Variants in TBC1D2B observed in about 807,000 individuals in gnomAD.
TBC1D2B encodes the protein TBC1 domain family, member 2B.
A neutral mutation model predicts 100.8 loss-of-function variants in TBC1D2B; 64 were observed. The ratio of observed to expected loss-of-function variants is 0.64; its 90% confidence interval spans 0.52 to 0.78. The LOEUF is 0.78. Among genes scored for constraint, TBC1D2B ranks in the 30% least tolerant of loss-of-function variants. TBC1D2B has a pLI of 0.00. For missense variants in TBC1D2B, 1,052 were observed against 1,218.4 expected (o/e 0.86, Z 2.03); for synonymous variants, 480 against 479.7 (o/e 1.00, Z -0.01).
intron 1 of TBC1D2B, among the ~76,000 whole-genome samples, chr15:78,064,633 C>G (rs754317424): frequency 1.1e-4 from 16 of 152,084 alleles, no homozygotes; most frequent in Non-Finnish European, 2.1e-4. Context: ...AAACAAAATT[C>G]AAATGGAAAA....
rs771877432 is a variant in TBC1D2B, at chr15:78,012,887, G to C, written c.2206C>G (p.Arg736Gly). 2.0e-6 allele frequency: 3 copies of C among 1,523,122 alleles called. No individual in the cohort carries two copies. The highest frequency in any genetic ancestry group is 2.7e-5 in the South Asian group (2 of 75,254). The allele number at this position is 1,523,122 out of a possible 1,614,324, so 94.4% of individuals were successfully genotyped here. A position where few individuals can be genotyped will look rare whatever the true frequency, so the allele number is the denominator to read the frequency against. ...CPTSEGIQKLRNVLLAFSWRN... is the reference protein window; with the variant it reads ...CPTSEGIQKLGNVLLAFSWRN... ...CAGGAGAAGGCGAGGAGGACATTGC[G>C]TAACTTCTGTATGCCTTCTGAGGTG... The change falls in exon 9 of 13, where the codon CGC becomes GGC. Residue 736 changes from arginine to glycine, a missense_variant. Physicochemically the swap from Arg to Gly is moderately radical, Grantham distance 125. This residue lies in a region of TBC1D2B where 373 missense variants were observed against 464.9 expected (regional missense o/e 0.80). Coordinates refer to ENST00000300584, the MANE Select transcript of TBC1D2B (RefSeq NM_144572.2).
At chr15:78,029,870 A>T in intron 4 of TBC1D2B, 137 bp downstream of exon 4, 1 of 556,878 alleles carries the variant, frequency 1.8e-6, no homozygotes, top group Non-Finnish European at 2.9e-6. Flanking sequence ...TTTATGTTTT[A>T]AGTCCGACAA....
intron 10 of TBC1D2B, among the ~76,000 whole-genome samples, chr15:78,004,407 C>A (rs894593386): frequency 2.6e-5 from 4 of 152,196 alleles, no homozygotes; most frequent in East Asian, 1.9e-4. Flanking sequence ...GGCTTCCAGG[C>A]AGGAGGGCTG....
intron 3 of TBC1D2B, among the ~76,000 whole-genome samples, chr15:78,043,651 G>T (rs2073134436): frequency 1.3e-5 from 2 of 152,150 alleles, no homozygotes; most frequent in Admixed American, 6.5e-5. Flanking sequence ...GCTACAGCAT[G>T]GATGAATCTT....
chr15:78,023,808 T>C (rs944388911), intron 6 of TBC1D2B, among the ~76,000 whole-genome samples: 1 of 152,346 alleles, frequency 6.6e-6, no homozygotes, highest in Admixed American at 6.5e-5. Context: ...ATTAAGTTTG[T>C]GTGTGATTTC....
intron 3 of TBC1D2B, chr15:78,034,407 C>T: frequency 1.2e-6 from 1 of 811,598 alleles, no homozygotes; most frequent in Non-Finnish European, 1.5e-6. Context: ...AAGGATCTCA[C>T]AGGAGCCTTC....
intron 6 of TBC1D2B, among the ~76,000 whole-genome samples, chr15:78,021,945 G>A (rs1012538568): frequency 4.6e-5 from 7 of 152,130 alleles, no homozygotes; most frequent in Non-Finnish European, 5.9e-5. Flanking sequence ...ACCCTGGCTC[G>A]CTCCCCGGGA....
intron 6 of TBC1D2B, among the ~76,000 whole-genome samples, chr15:78,020,477 C>T (rs2072489804): frequency 6.6e-6 from 1 of 152,204 alleles, no homozygotes; most frequent in Admixed American, 6.5e-5. Context: ...AGGAGCCAGG[C>T]ACTGTGTGAG....
chr15:78,002,768 TA>T (rs2071949457), intron 11 of TBC1D2B: 1 of 153,294 alleles, frequency 6.5e-6, no homozygotes, highest in South Asian at 2.0e-4. Flanking sequence ...TTGAGAAGAG[TA>T]ACTAGAAGAC....
At chr15:78,040,630 A>AGAG (rs2073054024) in intron 3 of TBC1D2B, among the ~76,000 whole-genome samples, 1 of 53,816 alleles carries the variant, frequency 1.9e-5, no homozygotes, top group Admixed American at 2.1e-4. Flanking sequence ...GAGAGAGAGA[A>AGAG]AGAAAAAGAA....
At position 77,997,737 on chromosome 15, in the gene TBC1D2B, G is replaced by GCCC. The variant is rs2071800382; in HGVS notation, c.*422_*423insGGG. The GCCC allele has an allele frequency of 6.5e-6, 1 of 154,964 alleles. No individual in the cohort carries two copies. Among genetic ancestry groups the GCCC allele is most frequent in the South Asian group, 2.0e-4 (1 of 4,886 alleles). The allele number at this position is 154,964 out of a possible 1,614,324, so 9.6% of individuals were successfully genotyped here. On this transcript the variant is annotated 3_prime_UTR_variant, in exon 13 of 13. Coordinates refer to ENST00000300584, the MANE Select transcript of TBC1D2B (RefSeq NM_144572.2). ...CCTACAGGTGCCTAAAGCACAGCTG[G>GCCC]CATCCTTTATAGCACTGCCATTCAA...
chr15:78,068,638 A>T (rs951332644), intron 1 of TBC1D2B, among the ~76,000 whole-genome samples: 1 of 152,202 alleles, frequency 6.6e-6, no homozygotes, highest in African/African-American at 2.4e-5. Context: ...CTGGCTGGTG[A>T]GCTACTGCCT....
intron 4 of TBC1D2B, among the ~76,000 whole-genome samples, chr15:78,029,092 T>C (rs1210029238): frequency 6.6e-6 from 1 of 151,854 alleles, no homozygotes; most frequent in Non-Finnish European, 1.5e-5. Context: ...AGTCTCGGTC[T>C]GTCACCCAGG....
rs1327692980 is a variant in TBC1D2B at position 78,016,610 on chromosome 15, C to A, written c.1711G>T (p.Asp571Tyr). The A allele has an allele frequency of 1.9e-6, 3 of 1,612,968 alleles. No individual in the cohort carries two copies. The Admixed American group carries it at 5.0e-5, about 27-fold the overall frequency. Residue 571 changes from aspartate to tyrosine, a missense_variant, in exon 8 of 13, where the codon GAT (aspartate) becomes TAT (tyrosine). Asp to Tyr is a radical substitution (Grantham distance 160, BLOSUM62 -3). Around this residue, in one of 4 missense-constraint regions of TBC1D2B, gnomAD observed 373 missense variants for 464.9 expected, o/e 0.80. Coordinates refer to ENST00000300584, the MANE Select transcript of TBC1D2B (RefSeq NM_144572.2). Reference sequence around the variant, plus strand: ...TCTTGGCTCTCAACCTGCAGAGCATCCTCCAGCAACTGGGCTATGACCTCC... The same window carrying A: ...TCTTGGCTCTCAACCTGCAGAGCATACTCCAGCAACTGGGCTATGACCTCC... ...TREVIAQLLE[D>Y]ALQVESQEQP...
chr15:78,029,954 G>T (rs1474655160), intron 4 of TBC1D2B, 53 bp downstream of exon 4: 3 of 1,464,332 alleles, frequency 2.0e-6, no homozygotes, highest in Admixed American at 2.0e-5. Flanking sequence ...CATCACTGGT[G>T]GTTAACAGAT....
In TBC1D2B at chr15:77,997,918, G is replaced by A. The variant is rs1353224090; in HGVS notation, c.*242C>T. 8.0e-6 allele frequency: 3 copies of A among 375,464 alleles called. No individual in the cohort carries two copies. The highest frequency in any genetic ancestry group is 1.3e-4 in the South Asian group (2 of 15,508). The allele number at this position is 375,464 out of a possible 1,614,324, so 23.3% of individuals were successfully genotyped here. A position where few individuals can be genotyped will look rare whatever the true frequency, so the allele number is the denominator to read the frequency against. On this transcript the variant is annotated 3_prime_UTR_variant, in exon 13 of 13. Transcript: ENST00000300584. ...GGTAAGCCTGAGGATCCACCAACCA[G>A]GCAGAAAGCGTGACTGAGATACGTG...
At chr15:78,066,969 C>A (rs1327141483) in intron 1 of TBC1D2B, among the ~76,000 whole-genome samples, 1 of 152,236 alleles carries the variant, frequency 6.6e-6, no homozygotes, top group African/African-American at 2.4e-5. Context: ...TGTGACTAAA[C>A]TTCTTAAATC....
At chr15:78,036,204 C>T (rs1314278965) in intron 3 of TBC1D2B, among the ~76,000 whole-genome samples, 1 of 152,188 alleles carries the variant, frequency 6.6e-6, no homozygotes, top group East Asian at 1.9e-4. Flanking sequence ...AAAGGACTTT[C>T]ATTTTTAACT....
At chr15:78,029,907 T>C in intron 4 of TBC1D2B, 100 bp downstream of exon 4, 2 of 995,844 alleles carry the variant, frequency 2.0e-6, no homozygotes, top group Non-Finnish European at 1.4e-6. Flanking sequence ...CATTGGTCCT[T>C]ATGCTTCTCG....
Sources: allele counts gnomAD v4.1 joint callset (sites outside exome capture counted in the v4.1 genomes callset), GRCh38; gene constraint gnomAD v4.1.1; regional missense constraint gnomAD v4.1.1; transcripts MANE v1.5; gene names NCBI Gene and HGNC (gene_info 2026-07-23, HGNC 2026-07-21).